Variants in SCN9A observed in about 807,000 individuals in gnomAD.
SCN9A encodes the protein sodium channel protein type 9 subunit alpha.
SCN9A carries 131 observed loss-of-function variants against 187.0 expected under a neutral mutation model. The ratio of observed to expected loss-of-function variants is 0.70; its 90% CI spans 0.61 to 0.81. The LOEUF is 0.81. Among genes scored for constraint, SCN9A ranks in the 30% least tolerant of loss-of-function variants. SCN9A has a pLI of 0.00. For missense variants in SCN9A, 2,252 were observed against 2,396.6 expected (o/e 0.94, Z 1.26); for synonymous variants, 809 against 808.6 (o/e 1.00, Z -0.01).
intron 1 of SCN9A, among the ~76,000 whole-genome samples, chr2:166,368,697 A>AG (rs1478843643): frequency 6.6e-6 from 1 of 150,840 alleles, no homozygotes; most frequent in Non-Finnish European, 1.5e-5. Context: ...AAAAAAAAAA[A>AG]AAAAAAGAGG....
Position 166,199,526 on chromosome 2 carries a change from C to T in SCN9A, c.5113G>A (p.Ala1705Thr). 1.9e-6 allele frequency: 3 copies of T among 1,614,164 alleles called. No homozygotes were observed. The highest frequency in any genetic ancestry group is 2.5e-6 in the Non-Finnish European group (3 of 1,180,036). The change falls in exon 27 of 27, where the codon GCA becomes ACA. Residue 1705 changes from alanine (A) to threonine (T), a missense_variant. Ala to Thr is a moderately conservative substitution (Grantham distance 58, BLOSUM62 0). Around this residue, in one of 7 missense-constraint regions of SCN9A, gnomAD observed 84 missense variants for 134.2 expected, o/e 0.63. Coordinates refer to ENST00000642356, the MANE Select transcript of SCN9A (RefSeq NM_001365536.1). ...TTSAGWDGLLAPILNSKPPDC... is the reference protein window; with the variant it reads ...TTSAGWDGLLTPILNSKPPDC... ...GGTGGCTTACTGTTAAGAATAGGTG[C>T]TAGCAATCCATCCCAGCCAGCAGAG...
At chr2:166,347,591 C>T (rs1699931864) in intron 1 of SCN9A, among the ~76,000 whole-genome samples, 1 of 152,198 alleles carries the variant, frequency 6.6e-6, no homozygotes, top group African/African-American at 2.4e-5. Context: ...TTTAGAATGC[C>T]TCTCAACTAA....
At chr2:166,277,610 G>T in intron 15 of SCN9A, 2 of 330,434 alleles carry the variant, frequency 6.1e-6, no homozygotes, top group African/African-American at 2.1e-5. Flanking sequence ...CATAATTTGT[G>T]ATATTTTTCT....
In SCN9A at chr2:166,321,522, C is replaced by CA. The variant is rs5836096; in HGVS notation, c.-50-9717dup. 4.0e-3 allele frequency: 550 copies of CA among 138,008 alleles called. 4 individuals carry two copies. The highest frequency in any genetic ancestry group is 0.01 in the East Asian group (43 of 4,282). The allele number at this position is 138,008 out of a possible 1,614,324, so 8.5% of individuals were successfully genotyped here. ...TGGATGACAGACAGAGACCCTGTCTCAAAAAAAAAAAAAAAATCTATCAAT... is the reference window on the plus strand; with the variant it reads ...TGGATGACAGACAGAGACCCTGTCTCAAAAAAAAAAAAAAAAATCTATCAAT... On this transcript the variant is annotated intron_variant, in intron 1 of 26. Transcript: ENST00000642356.
intron 1 of SCN9A, among the ~76,000 whole-genome samples, chr2:166,340,782 G>A (rs1224579314): frequency 2.0e-5 from 3 of 151,622 alleles, no homozygotes; most frequent in African/African-American, 7.3e-5. Flanking sequence ...CACAACACCC[G>A]GCTAAGTTTT....
Position 166,306,534 on chromosome 2 carries a change from G to A in SCN9A, c.443C>T (p.Pro148Leu), listed in dbSNP as rs887570747. The A allele has an allele frequency of 1.5e-5, 23 of 1,575,112 alleles. No homozygotes were observed. Among genetic ancestry groups the A allele is most frequent in the South Asian group, 3.5e-5 (3 of 86,468 alleles). The change falls in exon 4 of 27, where the codon CCA becomes CTA. Residue 148 changes from proline (P) to leucine (L), a missense_variant. Pro to Leu is a moderately conservative substitution (Grantham distance 98, BLOSUM62 -3). Transcript: ENST00000642356. ...TNCIFMTMNN[P>L]PDWTKNVEYT... ...CTCGACATTTTTGGTCCAGTCCGGT[G>A]GGTTATTCATGGTCATAAATATGCA...
At chr2:166,321,279 G>A (rs569814685) in intron 1 of SCN9A, among the ~76,000 whole-genome samples, 12 of 152,102 alleles carry the variant, frequency 7.9e-5, no homozygotes, top group African/African-American at 2.4e-4. Flanking sequence ...CAACATTTTC[G>A]GAGGCCAAGG....
intron 21 of SCN9A, among the ~76,000 whole-genome samples, chr2:166,230,367 A>G (rs1695031695): frequency 1.3e-5 from 2 of 152,336 alleles, no homozygotes; most frequent in African/African-American, 4.8e-5. Context: ...TGTGACCTCA[A>G]AAAAGATTAG....
intron 1 of SCN9A, among the ~76,000 whole-genome samples, chr2:166,362,323 G>C (rs1422822447): frequency 6.6e-6 from 1 of 151,920 alleles, no homozygotes; most frequent in Non-Finnish European, 1.5e-5. Context: ...TGTGATTATG[G>C]CAAGGTATCT....
chr2:166,239,568 G>A (rs1038655791), intron 19 of SCN9A, among the ~76,000 whole-genome samples: 6 of 152,142 alleles, frequency 3.9e-5, no homozygotes, highest in African/African-American at 1.4e-4. Context: ...GAAGGTCCCA[G>A]CAGTTGGCAG....
rs145186756 is a variant in SCN9A at position 166,234,570 on chromosome 2, G to A, written c.3802-1108C>T. On this transcript the variant is annotated intron_variant, in intron 20 of 26. Coordinates refer to ENST00000642356, the MANE Select transcript of SCN9A (RefSeq NM_001365536.1). ...AGTGTTTTAAAGTGCTCATCCTCAT[G>A]TAGTATTTCCAGATGTCTCACTAAA... Among the ~76,000 whole-genome samples the A allele has an allele frequency of 1.0e-3, 155 of 152,128 alleles. 1 individual carries two copies. Among genetic ancestry groups the A allele is most frequent in the African/African-American group, 3.7e-3 (154 of 41,520 alleles).
At chr2:166,281,856 T>A (rs887974187) in intron 12 of SCN9A, 48 bp from the exon 13 acceptor site, 1 of 1,544,674 alleles carries the variant, frequency 6.5e-7, no homozygotes, top group South Asian at 1.2e-5. Flanking sequence ...CCTAATAAAT[T>A]GTAGGTATAA....
Position 166,333,883 on chromosome 2 carries a change from T to C in SCN9A, c.-50-22077A>G, listed in dbSNP as rs557356456. Among the ~76,000 whole-genome samples, 6 of 152,172 alleles carry C rather than the reference T, an allele frequency of 3.9e-5. No individual in the cohort carries two copies. In the South Asian group the frequency reaches 1.2e-3, roughly 32 times the overall value. On this transcript the variant is annotated intron_variant, in intron 1 of 26. Coordinates refer to ENST00000642356, the MANE Select transcript of SCN9A (RefSeq NM_001365536.1). ...ACTTTTTCCCTGTCCCTAAGTTGTG[T>C]TGTTCCTCTTAAAACAGCCTTGGCA...
chr2:166,234,692 C>G (rs990259333), intron 20 of SCN9A, among the ~76,000 whole-genome samples: 2 of 152,064 alleles, frequency 1.3e-5, no homozygotes, highest in Non-Finnish European at 2.9e-5. Context: ...TCATTCACAT[C>G]CATTATTTTC....
At chr2:166,244,077 TTG>T (rs1695681148) in intron 18 of SCN9A, among the ~76,000 whole-genome samples, 1 of 151,994 alleles carries the variant, frequency 6.6e-6, no homozygotes, top group African/African-American at 2.4e-5. Flanking sequence ...TAGCAGTGAA[TTG>T]AAAACCACAG....
rs528519345 is a variant in SCN9A, at chr2:166,235,026, T to G, written c.3802-1564A>C. ...GATGCCATGAGCTGCCTTGGGACTC[T>G]CTGGTGTGCCCACCAGCAAGAAAGT... On this transcript the variant is annotated intron_variant, in intron 20 of 26. Coordinates refer to ENST00000642356, the MANE Select transcript of SCN9A (RefSeq NM_001365536.1). Among the ~76,000 whole-genome samples, 32 of 152,276 alleles carry G rather than the reference T, an allele frequency of 2.1e-4. No individual in the cohort carries two copies. In the East Asian group the frequency reaches 6.2e-3, roughly 29 times the overall value.
In SCN9A at chr2:166,272,731, G is replaced by C. The variant is rs121908910; in HGVS notation, c.3019C>G (p.Arg1007Gly). The change falls in exon 17 of 27, where the codon CGT (arginine) becomes GGT (glycine). Residue 1007 changes from arginine to glycine, a missense_variant. Physicochemically the swap from Arg to Gly is moderately radical, Grantham distance 125. Coordinates refer to ENST00000642356, the MANE Select transcript of SCN9A (RefSeq NM_001365536.1). ...KGINYVKQTL[R>G]EFILKAFSKK... ...GAAAATGCTTTTAGAATAAATTCAC[G>C]TAAGGTTTGTTTCACATAATTTATT... 1.3e-6 allele frequency: 2 copies of C among 1,584,266 alleles called. No individual in the cohort carries two copies. The highest frequency in any genetic ancestry group is 1.2e-5 in the South Asian group (1 of 85,696).
At chr2:166,304,386 G>C (rs1217184789) in intron 5 of SCN9A, 57 bp from the exon 6 acceptor site, 1 of 1,443,154 alleles carries the variant, frequency 6.9e-7, no homozygotes, top group African/African-American at 1.4e-5. Context: ...ATACTTACCT[G>C]AGCCTTTAGT....
rs567579845 is a variant in SCN9A, at chr2:166,238,786, T to C, written c.3628-519A>G. Reference sequence around the variant, plus strand: ...AGATTTGCTAAATGAATGACTGCAGTAGCTTAATAGGCCTATAGAACACAG... The same window carrying C: ...AGATTTGCTAAATGAATGACTGCAGCAGCTTAATAGGCCTATAGAACACAG... On this transcript the variant is annotated intron_variant, in intron 19 of 26. Coordinates refer to ENST00000642356, the MANE Select transcript of SCN9A (RefSeq NM_001365536.1). 2.9e-4 allele frequency among the ~76,000 whole-genome samples: 44 copies of C among 152,194 alleles called. 1 individual carries two copies. Among genetic ancestry groups the C allele is most frequent in the African/African-American group, 1.0e-3 (43 of 41,590 alleles).
Sources: allele counts gnomAD v4.1 joint callset (sites outside exome capture counted in the v4.1 genomes callset), GRCh38; gene constraint gnomAD v4.1.1; regional missense constraint gnomAD v4.1.1; transcripts MANE v1.5; gene names NCBI Gene and HGNC (gene_info 2026-07-23, HGNC 2026-07-21).